PGAP2: variants seen among roughly 807,000 people sequenced by gnomAD.
The protein encoded by PGAP2 is post-GPI attachment to proteins 2.
A neutral mutation model predicts 33.2 loss-of-function variants in PGAP2; 21 were observed. The observed-to-expected ratio is 0.63, with a 90% CI of 0.45 to 0.91. PGAP2 has a LOEUF of 0.91. PGAP2 is among the 40% of genes least tolerant of loss of function. The pLI is 0.00. For synonymous variants in PGAP2, 161 were observed against 172.9 expected (o/e 0.93, Z 0.54); for missense variants, 345 against 424.0 (o/e 0.81, Z 1.64).
Position 3,797,976 on chromosome 11 carries a change from T to C in PGAP2, c.133T>C (p.Trp45Arg), listed in dbSNP as rs994071896. The change falls in exon 1 of 7, where the codon TGG becomes CGG. Residue 45 changes from tryptophan to arginine, a missense_variant. Trp to Arg is a moderately radical substitution (Grantham distance 101). Coordinates refer to the PGAP2 transcript ENST00000300730. ...GCCAATCAGAGGGACGGCCCCAGAA[T>C]GGCATGGTAACTATTCGACCCTTTC... is the stretch of plus-strand genomic sequence containing the variant. 3.9e-6 allele frequency: 6 copies of C among 1,546,356 alleles called. No individual in the cohort carries two copies. In the Middle Eastern group the frequency reaches 5.0e-4, roughly 130 times the overall value.
intron 1 of PGAP2, among the ~76,000 whole-genome samples, chr11:3,802,944 AG>A (rs2083684316): frequency 6.8e-6 from 1 of 147,244 alleles, no homozygotes; most frequent in Admixed American, 6.8e-5. Context: ...CTCCTGCCTC[AG>A]CCTCCCGAGT....
Position 3,811,516 on chromosome 11 carries a change from C to T in PGAP2, c.165+92C>T. The T allele has an allele frequency of 8.2e-7, 1 of 1,221,456 alleles. No homozygotes were observed. Among genetic ancestry groups the T allele is most frequent in the East Asian group, 2.6e-5 (1 of 38,936 alleles). 75.7% of individuals were successfully genotyped at this position (1,221,456 alleles called of 1,614,324 possible). A position where few individuals can be genotyped will look rare whatever the true frequency, so the allele number is the denominator to read the frequency against. On this transcript the variant is annotated intron_variant, in intron 2 of 6. Transcript: ENST00000278243. The surrounding 1 kb of genome is among the most constrained non-coding windows in gnomAD (Gnocchi z 4.6). ...CTTTTAACAAGATTAGCCAGCTCTC[C>T]ACTGGGGCCCATCAAACATACGGGG... is the stretch of plus-strand genomic sequence containing the variant.
At position 3,811,386 on chromosome 11, in the gene PGAP2, C is replaced by T. The variant is rs1276892945; in HGVS notation, c.127C>T (p.Leu43Phe). 6.2e-7 allele frequency: 1 copy of T among 1,614,072 alleles called. No homozygotes were observed. The highest frequency in any genetic ancestry group is 1.1e-5 in the South Asian group (1 of 91,082). ...AFLFCILWSL[L>F]FHFKETTATH... ...CCTCTTCTGCATCCTCTGGTCCCTG[C>T]TCTTCCACTTCAAGGAGACAACGGC... Residue 43 changes from leucine (L) to phenylalanine (F), a missense_variant, in exon 2 of 7, where the codon CTC (leucine) becomes TTC (phenylalanine). By Grantham distance (22) the Leu-to-Phe change is conservative (BLOSUM62 0). Coordinates refer to ENST00000278243, the MANE Select transcript of PGAP2 (RefSeq NM_014489.4). This position sits in a 1 kb window ranked among gnomAD's most constrained non-coding sequence, Gnocchi z 4.6.
chr11:3,803,422 C>A (rs551734253), intron 1 of PGAP2, among the ~76,000 whole-genome samples: 1 of 151,308 alleles, frequency 6.6e-6, no homozygotes, highest in African/African-American at 2.4e-5. Flanking sequence ...CCACCGCACC[C>A]GGCCATTTTT....
upstream of PGAP2, chr11:3,808,236 C>T (rs563538530): frequency 6.5e-7 from 1 of 1,540,338 alleles, no homozygotes; most frequent in South Asian, 1.2e-5. Flanking sequence ...GCAGGAGAGA[C>T]GGGCGGATGA....
chr11:3,808,076 C>A, upstream of PGAP2: 1 of 1,431,074 alleles, frequency 7.0e-7, no homozygotes, highest in Non-Finnish European at 9.1e-7. Context: ...CCGGGTCTCA[C>A]TGCCTGCAAA....
chr11:3,801,786 A>G (rs2134130610), intron 1 of PGAP2, among the ~76,000 whole-genome samples: 1 of 151,990 alleles, frequency 6.6e-6, no homozygotes, highest in East Asian at 1.9e-4. Flanking sequence ...CTCTACTAAA[A>G]ATAAAAAAAT....
chr11:3,813,189 C>T (rs1342352117), intron 2 of PGAP2, among the ~76,000 whole-genome samples: 1 of 152,178 alleles, frequency 6.6e-6, no homozygotes, highest in Non-Finnish European at 1.5e-5. Flanking sequence ...AAGGCAGGCA[C>T]TGCATTTGAG....
intron 1 of PGAP2, among the ~76,000 whole-genome samples, chr11:3,801,397 C>CT (rs2083424433): frequency 6.6e-6 from 1 of 152,034 alleles, no homozygotes; most frequent in Non-Finnish European, 1.5e-5. Context: ...AATCCCAGCA[C>CT]TTTGGGAGGC....
In PGAP2 at chr11:3,825,433, C is replaced by T. The variant is rs980849446; in HGVS notation, c.923C>T (p.Ser308Phe). 3 of 1,613,748 alleles carry T rather than the reference C, an allele frequency of 1.9e-6. No individual in the cohort carries two copies. Among genetic ancestry groups the T allele is most frequent in the Non-Finnish European group, 2.5e-6 (3 of 1,179,984 alleles). Residue 308 changes from serine (S) to phenylalanine (F), a missense_variant, in exon 7 of 7, where the codon TCT becomes TTT. Around this residue, in one of 2 missense-constraint regions of PGAP2, gnomAD observed 311 missense variants for 353.6 expected, o/e 0.88. Coordinates refer to ENST00000278243, the MANE Select transcript of PGAP2 (RefSeq NM_014489.4). ...DFGNKELLITSQPEEKRF is the reference protein window; with the variant it reads ...DFGNKELLITFQPEEKRF ...GGGAACAAGGAGCTGCTCATAACCT[C>T]TCAGCCTGAGGAAAAGCGATTCTGA...
chr11:3,819,325 C>G (rs1171528773), intron 3 of PGAP2, among the ~76,000 whole-genome samples: 1 of 152,054 alleles, frequency 6.6e-6, no homozygotes, highest in African/African-American at 2.4e-5. Context: ...GCTTTAAGGT[C>G]AGGGGCAAGA....
intron 3 of PGAP2, among the ~76,000 whole-genome samples, chr11:3,821,853 A>G (rs2088746930): frequency 6.6e-6 from 1 of 151,514 alleles, no homozygotes; most frequent in Middle Eastern, 3.4e-3. Context: ...GTTTGAGTCC[A>G]GGAGTTTTAG....
rs750410091 is a variant in PGAP2 at position 3,817,860 on chromosome 11, A to T, written c.348+325A>T. On this transcript the variant is annotated intron_variant, in intron 3 of 6. Transcript: ENST00000278243. The stretch of plus-strand genomic sequence containing the variant: ...TCAGTTCGAGACCAGCCTGGGCAAC[A>T]TGGTGAAACCCCGTCTGTACAAAAA... The T allele has an allele frequency of 5.9e-6, 3 of 508,376 alleles. No individual in the cohort carries two copies. In the East Asian group the frequency reaches 1.6e-4, roughly 27 times the overall value. 31.5% of individuals were successfully genotyped at this position (508,376 alleles called of 1,614,324 possible). A position where few individuals can be genotyped will look rare whatever the true frequency, so the allele number is the denominator to read the frequency against.
chr11:3,823,023 T>C, intron 3 of PGAP2: 1 of 757,636 alleles, frequency 1.3e-6, no homozygotes. Flanking sequence ...TTTTTTCTTT[T>C]CTTTTTTTTT....
chr11:3,823,161 G>A (rs2135005483), intron 3 of PGAP2, among the ~76,000 whole-genome samples: 1 of 147,562 alleles, frequency 6.8e-6, no homozygotes, highest in Non-Finnish European at 1.5e-5. Flanking sequence ...TCAGCCTCCT[G>A]AGTAGCTGGG....
Position 3,824,293 on chromosome 11 carries a change from G to A in PGAP2, c.625G>A (p.Val209Met). The A allele has an allele frequency of 6.2e-7, 1 of 1,614,210 alleles. No homozygotes were observed. Among genetic ancestry groups the A allele is most frequent in the Non-Finnish European group, 8.5e-7 (1 of 1,180,044 alleles). ...DFTIHENAFIVFIASSLGHML... is the reference protein window; with the variant it reads ...DFTIHENAFIMFIASSLGHML... Reference sequence around the variant, plus strand: ...AGCCATCCACGAAAATGCTTTCATTGTGTTCATTGCCTCATCCCTCGGGCA... The same window carrying A: ...AGCCATCCACGAAAATGCTTTCATTATGTTCATTGCCTCATCCCTCGGGCA... The change falls in exon 5 of 7, where the codon GTG becomes ATG. Residue 209 changes from valine (V) to methionine (M), a missense_variant. Physicochemically the swap from Val to Met is conservative, Grantham distance 21 (BLOSUM62 1). Transcript: ENST00000278243.
At chr11:3,808,741 C>A in intron 1 of PGAP2, 90 bp downstream of exon 1, 1 of 591,540 alleles carries the variant, frequency 1.7e-6, no homozygotes, top group Non-Finnish European at 2.2e-6. Context: ...CCGGGCCCCA[C>A]GCTGTGGGAG....
In PGAP2 at chr11:3,825,823, C is replaced by T. The variant is rs1302556342; in HGVS notation, c.*365C>T. ...CAGGAGCCCCTGAGCAGTGGCTGCTCCCTGACAACCACAGCCATTTCTCTG... is the reference window on the plus strand; with the variant it reads ...CAGGAGCCCCTGAGCAGTGGCTGCTTCCTGACAACCACAGCCATTTCTCTG... On this transcript the variant is annotated 3_prime_UTR_variant, in exon 7 of 7. Transcript: ENST00000278243. The T allele has an allele frequency of 6.1e-5, 12 of 195,440 alleles. No individual in the cohort carries two copies. Among genetic ancestry groups the T allele is most frequent in the Non-Finnish European group, 1.3e-4 (12 of 93,230 alleles). 12.1% of individuals were successfully genotyped at this position (195,440 alleles called of 1,614,324 possible).
At chr11:3,806,528 G>T (rs1225663228), upstream of PGAP2, among the ~76,000 whole-genome samples, 1 of 152,140 alleles carries the variant, frequency 6.6e-6, no homozygotes, top group Non-Finnish European at 1.5e-5. Context: ...TCAAAGAGAG[G>T]GCCTAGACTG....
Sources: gnomAD v4.1 joint callset for allele counts (sites outside exome capture counted in the v4.1 genomes callset) on GRCh38, gnomAD v4.1.1 for gene constraint, gnomAD v4.1.1 regional missense constraint, Gnocchi (gnomAD v3.1) non-coding constraint, MANE v1.5 for transcripts, NCBI Gene and HGNC (gene_info 2026-07-23, HGNC 2026-07-21) for gene names.